The following PTPN7 variants were observed in gnomAD, a reference collection of about 807,000 sequenced individuals.
PTPN7 encodes tyrosine-protein phosphatase non-receptor type 7.
In PTPN7, 33 loss-of-function variants were observed where a neutral mutation model predicts 50.3. The ratio of observed to expected loss-of-function variants is 0.66; its 90% CI spans 0.50 to 0.88. The LOEUF (loss-of-function observed/expected upper bound fraction) is 0.88, where lower values mean the gene tolerates loss of function less well. Among genes scored for constraint, PTPN7 ranks in the 40% least tolerant of loss-of-function variants. PTPN7 has a pLI of 0.00. For missense variants in PTPN7, 412 were observed against 475.4 expected (o/e 0.87, Z 1.24); for synonymous variants, 185 against 186.6 (o/e 0.99, Z 0.07).
intron 4 of PTPN7, among the ~76,000 whole-genome samples, chr1:202,156,907 G>A (rs1266015412): frequency 1.3e-5 from 2 of 152,136 alleles, no homozygotes; most frequent in Non-Finnish European, 2.9e-5. Flanking sequence ...CCAGTTTGCA[G>A]GGTCACCCCC....
At chr1:202,154,409 C>A in intron 5 of PTPN7, 86 bp from the exon 6 acceptor site, 1 of 1,487,968 alleles carries the variant, frequency 6.7e-7, no homozygotes, top group African/African-American at 1.4e-5. Flanking sequence ...GTGCTGGGGT[C>A]AGCCTGAAGC....
intron 3 of PTPN7, 108 bp from the exon 4 acceptor site, chr1:202,157,931 A>G (rs1656868738): frequency 1.6e-6 from 2 of 1,252,502 alleles, no homozygotes; most frequent in African/African-American, 3.0e-5. Context: ...TGACAATAGT[A>G]TGTAGGCCTA....
In PTPN7 at chr1:202,159,314, G is replaced by T. The variant is rs767756746; in HGVS notation, c.89C>A (p.Thr30Lys). 3.7e-6 allele frequency: 6 copies of T among 1,614,060 alleles called. No homozygotes were observed. In the Admixed American group the frequency reaches 5.0e-5, roughly 13 times the overall value. ...AAMTQPPPEK[T>K]PAKKHVRLQE... ...CAGTCGCACATGCTTCTTGGCTGGC[G>T]TTTTTTCAGGCGGAGGCTGGGTCAT... The change falls in exon 2 of 10, where the codon ACG becomes AAG. Residue 30 changes from threonine to lysine, a missense_variant. By Grantham distance (78) the Thr-to-Lys change is moderately conservative. Coordinates refer to ENST00000691036, the MANE Select transcript of PTPN7 (RefSeq NM_002832.4). The surrounding 1 kb of genome is among the most constrained non-coding windows in gnomAD (Gnocchi z 4.6).
intron 8 of PTPN7, among the ~76,000 whole-genome samples, chr1:202,151,910 C>T (rs1044005066): frequency 6.6e-6 from 1 of 152,126 alleles, no homozygotes; most frequent in African/African-American, 2.4e-5. Context: ...TAACACCGTG[C>T]CTGACAAAAA....
intron 7 of PTPN7, among the ~76,000 whole-genome samples, chr1:202,153,114 C>G (rs188001101): frequency 5.9e-5 from 9 of 152,152 alleles, no homozygotes; most frequent in Admixed American, 1.3e-4. Flanking sequence ...TTTTAAAAGC[C>G]CTTGTGTACA....
intron 8 of PTPN7, among the ~76,000 whole-genome samples, chr1:202,151,820 T>C (rs990709523): frequency 2.0e-5 from 3 of 152,164 alleles, no homozygotes; most frequent in Admixed American, 6.5e-5. Context: ...CCCAGCCTAA[T>C]CTGCCTTCTT....
Position 202,160,446 on chromosome 1 carries a change from T to G in PTPN7, c.-53+99A>C. The G allele has an allele frequency of 7.9e-7, 1 of 1,262,298 alleles. No homozygotes were observed. The highest frequency in any genetic ancestry group is 1.1e-6 in the Non-Finnish European group (1 of 912,666). The allele number at this position is 1,262,298 out of a possible 1,614,324, so 78.2% of individuals were successfully genotyped here. On this transcript the variant is annotated intron_variant, in intron 1 of 9. Coordinates refer to ENST00000691036, the MANE Select transcript of PTPN7 (RefSeq NM_002832.4). The surrounding 1 kb of genome is among the most constrained non-coding windows in gnomAD (Gnocchi z 4.8). The stretch of plus-strand genomic sequence containing the variant: ...CCAGCCAGGCACTGTGGCGCCCCAC[T>G]CGCCCTCCCGCACTCCCTCCTAGAG...
intron 7 of PTPN7, 91 bp from the exon 8 acceptor site, chr1:202,152,790 A>G: frequency 6.9e-7 from 1 of 1,451,372 alleles, no homozygotes; most frequent in Non-Finnish European, 9.5e-7. Context: ...AAGGGCTGGA[A>G]TTACCCTGTG....
At chr1:202,149,044 C>T (rs1276813686) in intron 9 of PTPN7, among the ~76,000 whole-genome samples, 1 of 151,920 alleles carries the variant, frequency 6.6e-6, no homozygotes, top group East Asian at 1.9e-4. Context: ...TTAGTAGAAA[C>T]AGGGTTTCAC....
In PTPN7 at chr1:202,160,577, C is replaced by T; in HGVS notation, c.-85G>A. 2 of 1,550,030 alleles carry T rather than the reference C, an allele frequency of 1.3e-6. No individual in the cohort carries two copies. The highest frequency in any genetic ancestry group is 2.4e-5 in the East Asian group (1 of 40,912). ...GCTGTGGCCCCCAGGCTGCCTCTTG[C>T]CAGCTGTCTGTCTGTCTGTCGGTCT... On this transcript the variant is annotated 5_prime_UTR_variant, in exon 1 of 10. Coordinates refer to ENST00000691036, the MANE Select transcript of PTPN7 (RefSeq NM_002832.4). The surrounding 1 kb of genome is among the most constrained non-coding windows in gnomAD (Gnocchi z 4.8).
chr1:202,157,760 G>A lies in PTPN7; in HGVS notation c.370C>T (p.Arg124Ter). Reference sequence around the variant, plus strand: ...TTACTTGGCAAGATGGTCTTGTATCGGTCCTTGGAGGCGTGGCCAGGGATG... The same window carrying A: ...TTACTTGGCAAGATGGTCTTGTATCAGTCCTTGGAGGCGTGGCCAGGGATG... ...LDIPGHASKD[R>*]YKTILPNPQS... Residue 124 changes from arginine (R) to a stop codon, truncating the protein, a stop_gained, in exon 4 of 10, where the codon CGA becomes TGA. Coordinates refer to ENST00000691036, the MANE Select transcript of PTPN7 (RefSeq NM_002832.4). LOFTEE classifies it high-confidence loss of function. 3.7e-6 allele frequency: 6 copies of A among 1,613,884 alleles called. No individual in the cohort carries two copies. The highest frequency in any genetic ancestry group is 5.1e-6 in the Non-Finnish European group (6 of 1,179,814).
intron 2 of PTPN7, chr1:202,158,567 C>T (rs1656956624): frequency 2.6e-6 from 1 of 383,336 alleles, no homozygotes; most frequent in Admixed American, 4.4e-5. Flanking sequence ...GTGTCTTGTT[C>T]TGTTGCTCAG....
At position 202,150,418 on chromosome 1, in the gene PTPN7, C is replaced by G. The variant is rs4950772; in HGVS notation, c.882G>C (p.Gly294=). 15,585 of 1,607,098 alleles carry G rather than the reference C, an allele frequency of 9.7e-3. 1,064 individuals carry two copies. In the East Asian group the frequency reaches 0.16, roughly 17 times the overall value. Residue 294 remains glycine (G), a synonymous_variant, in exon 9 of 10, where the codon GGG becomes GGC. Coordinates refer to ENST00000691036, the MANE Select transcript of PTPN7 (RefSeq NM_002832.4). ...PGPIVVHCSA[G]IGRTGCFIAT... is the part of the protein sequence containing the mutation. Reference sequence around the variant, plus strand: ...CGATGAAGCAGCCCGTCCGGCCAATCCCTGCACTGGAGATAGCCAGGGAGG... The same window carrying G: ...CGATGAAGCAGCCCGTCCGGCCAATGCCTGCACTGGAGATAGCCAGGGAGG...
upstream of PTPN7, chr1:202,161,033 C>T (rs994961104): frequency 8.6e-6 from 12 of 1,393,226 alleles, no homozygotes; most frequent in East Asian, 2.6e-5. Context: ...GGCCCTCTCC[C>T]TCAAGGCCCT....
chr1:202,157,823 T>C lies in PTPN7; in HGVS notation c.307A>G (p.Lys103Glu). The C allele has an allele frequency of 6.2e-7, 1 of 1,613,868 alleles. No homozygotes were observed. The highest frequency in any genetic ancestry group is 8.5e-7 in the Non-Finnish European group (1 of 1,179,730). Residue 103 changes from lysine to glutamate, a missense_variant and splice_region_variant, in exon 4 of 10, where the codon AAG (lysine) becomes GAG (glutamate). Lys to Glu is a moderately conservative substitution (Grantham distance 56). Transcript: ENST00000691036. ...GGGCTGACAAAGTTTGAAGGGATCT[T>C]CTGGCAGGGGGAGGAAATGGGTGAG... ...SPKQLEEEFLKIPSNFVSPED... is the reference protein window; with the variant it reads ...SPKQLEEEFLEIPSNFVSPED...
Position 202,153,831 on chromosome 1 carries a change from C to T in PTPN7, c.611G>A (p.Cys204Tyr), listed in dbSNP as rs780838742. The T allele has an allele frequency of 3.1e-6, 5 of 1,612,794 alleles. No homozygotes were observed. Among genetic ancestry groups the T allele is most frequent in the Non-Finnish European group, 4.2e-6 (5 of 1,178,820 alleles). The change falls in exon 7 of 10, where the codon TGT (cysteine) becomes TAT (tyrosine). Residue 204 changes from cysteine (C) to tyrosine (Y), a missense_variant. Cys to Tyr is a radical substitution (Grantham distance 194). Coordinates refer to ENST00000691036, the MANE Select transcript of PTPN7 (RefSeq NM_002832.4). ...CTCTTCTGTGGGCCAGTAGTGGACA[C>T]ATTTCTAGGAGGGAGGGAGCTGGGA... Reference protein sequence around the residue: ...LTQLREGKEKCVHYWPTEEET... With the variant: ...LTQLREGKEKYVHYWPTEEET...
chr1:202,160,287 C>CA lies in PTPN7; in HGVS notation c.-53+257dup, dbSNP rs1657225341. Among the ~76,000 whole-genome samples, 1 of 152,110 alleles carries CA rather than the reference C, an allele frequency of 6.6e-6. No homozygotes were observed. The highest frequency in any genetic ancestry group is 2.1e-4 in the South Asian group (1 of 4,824). ...AGGTGAGGGGACAGAATGGGCCTGG[C>CA]ACAGGTGTGAGTGGTAGAGCGAGGG... On this transcript the variant is annotated intron_variant, in intron 1 of 9. Coordinates refer to ENST00000691036, the MANE Select transcript of PTPN7 (RefSeq NM_002832.4). The surrounding 1 kb of genome is among the most constrained non-coding windows in gnomAD (Gnocchi z 4.8).
At chr1:202,156,617 A>T (rs1181456957) in intron 4 of PTPN7, among the ~76,000 whole-genome samples, 1 of 152,182 alleles carries the variant, frequency 6.6e-6, no homozygotes, top group Non-Finnish European at 1.5e-5. Context: ...CAGGCAAAGG[A>T]ATTTTTCCCT....
At chr1:202,151,307 A>T (rs1232618036) in intron 8 of PTPN7, among the ~76,000 whole-genome samples, 1 of 152,060 alleles carries the variant, frequency 6.6e-6, no homozygotes, top group Middle Eastern at 3.4e-3. Flanking sequence ...ATCCATTTTC[A>T]CATTTCTTCT....
Sources: allele counts gnomAD v4.1 joint callset (sites outside exome capture counted in the v4.1 genomes callset), GRCh38; gene constraint gnomAD v4.1.1; non-coding constraint Gnocchi (gnomAD v3.1); transcripts MANE v1.5; gene names NCBI Gene and HGNC (gene_info 2026-07-23, HGNC 2026-07-21).